The following COL24A1 variants were observed in gnomAD, a reference collection of about 807,000 sequenced individuals.
COL24A1 encodes collagen type XXIV alpha 1 chain.
In COL24A1, 224 loss-of-function variants were observed where a neutral mutation model predicts 253.9. The observed-to-expected ratio is 0.88, with a 90% confidence interval of 0.79 to 0.99. The LOEUF (loss-of-function observed/expected upper bound fraction) is 0.99, where lower values mean the gene tolerates loss of function less well. Among genes scored for constraint, COL24A1 ranks in the 50% least tolerant of loss-of-function variants. The pLI, the probability that COL24A1 is intolerant of heterozygous loss-of-function variation, is 0.00. For missense variants in COL24A1, 2,131 were observed against 2,068.5 expected, an observed-to-expected ratio of 1.03 and a Z score of -0.59; for synonymous variants, 685 against 673.7, an observed-to-expected ratio of 1.02 and a Z score of -0.26.
chr1:85,826,961 T>C (rs984259684), intron 43 of COL24A1, among the ~76,000 whole-genome samples: 1 of 152,058 alleles, frequency 6.6e-6, no homozygotes, highest in African/African-American at 2.4e-5. Flanking sequence ...TCCAACACTA[T>C]GTTGAATAGG....
At chr1:85,848,989 C>T (rs566796572) in intron 38 of COL24A1, among the ~76,000 whole-genome samples, 72 of 152,260 alleles carry the variant, frequency 4.7e-4, no homozygotes, top group African/African-American at 1.7e-3. Flanking sequence ...ATTATAGTTA[C>T]ATTCTCTTCC....
At chr1:85,961,481 C>T (rs1254165504) in intron 23 of COL24A1, among the ~76,000 whole-genome samples, 188 bp from the exon 24 acceptor site, 2 of 151,864 alleles carry the variant, frequency 1.3e-5, no homozygotes, top group African/African-American at 4.8e-5. Context: ...ACCTATATAA[C>T]AAATCTACAC....
At chr1:86,047,851 T>C (rs1039223859) in intron 11 of COL24A1, among the ~76,000 whole-genome samples, 2 of 152,246 alleles carry the variant, frequency 1.3e-5, no homozygotes, top group South Asian at 4.1e-4. Context: ...TACTATCACT[T>C]TGAGATTTGC....
At chr1:85,756,057 C>CAAA (rs200030128) in intron 55 of COL24A1, among the ~76,000 whole-genome samples, 12,077 of 92,128 alleles carry the variant, frequency 0.13, 526 homozygotes, top group East Asian at 0.23. Context: ...TACTAACAAC[C>CAAA]AAAAAAAAAA....
intron 12 of COL24A1, among the ~76,000 whole-genome samples, 164 bp downstream of exon 12, chr1:86,046,661 T>A (rs1407169182): frequency 6.6e-6 from 1 of 152,152 alleles, no homozygotes; most frequent in African/African-American, 2.4e-5. Flanking sequence ...TTCCTTTATA[T>A]CCTCAGGTAT....
intron 19 of COL24A1, among the ~76,000 whole-genome samples, chr1:86,003,375 G>A (rs1173504160): frequency 6.6e-6 from 1 of 152,126 alleles, no homozygotes; most frequent in Non-Finnish European, 1.5e-5. Context: ...AGTGGGACCG[G>A]GGGAACAAGT....
chr1:85,747,694 G>A (rs1665400980), intron 55 of COL24A1, among the ~76,000 whole-genome samples: 1 of 151,990 alleles, frequency 6.6e-6, no homozygotes, highest in Admixed American at 6.5e-5. Flanking sequence ...GAGATATGTA[G>A]TAGGAAAAAA....
intron 20 of COL24A1, among the ~76,000 whole-genome samples, chr1:85,975,280 A>G (rs2100804531): frequency 6.6e-6 from 1 of 152,320 alleles, no homozygotes; most frequent in Admixed American, 6.5e-5. Context: ...CCAAAGAAAG[A>G]AAATCAGTAT....
intron 24 of COL24A1, among the ~76,000 whole-genome samples, chr1:85,934,657 A>T (rs1440013264): frequency 6.6e-6 from 1 of 152,200 alleles, no homozygotes; most frequent in East Asian, 1.9e-4. Context: ...CAGATAAAAC[A>T]GGAATGAGCA....
At chr1:85,996,635 C>CA (rs1479785703) in intron 19 of COL24A1, among the ~76,000 whole-genome samples, 14 of 151,724 alleles carry the variant, frequency 9.2e-5, no homozygotes, top group African/African-American at 3.1e-4. Flanking sequence ...GACTCCATCT[C>CA]AAAAAACAAA....
intron 35 of COL24A1, among the ~76,000 whole-genome samples, chr1:85,872,157 A>G (rs1165272633): frequency 6.6e-6 from 1 of 152,210 alleles, no homozygotes; most frequent in Non-Finnish European, 1.5e-5. Context: ...GGACCTCTTC[A>G]AGGAGAACTA....
At chr1:86,112,498 C>A (rs375294930) in intron 5 of COL24A1, 69 bp downstream of exon 5, 222 of 1,385,384 alleles carry the variant, frequency 1.6e-4, no homozygotes, top group Non-Finnish European at 2.0e-4. Context: ...TGTTAGGGAT[C>A]TTCTTTTTAA....
At chr1:85,939,657 G>A (rs1688552902) in intron 24 of COL24A1, among the ~76,000 whole-genome samples, 1 of 152,086 alleles carries the variant, frequency 6.6e-6, no homozygotes. Flanking sequence ...AAGACACTTT[G>A]ACAGCAAAAG....
At chr1:86,063,649 T>G (rs1701268714) in intron 8 of COL24A1, 66 bp downstream of exon 8, 1 of 1,182,448 alleles carries the variant, frequency 8.5e-7, no homozygotes, top group Non-Finnish European at 1.2e-6. Flanking sequence ...AAATAATCTC[T>G]CAAAGGAGTT....
chr1:86,046,678 A>G (rs1699927093), intron 12 of COL24A1, 147 bp downstream of exon 12: 1 of 829,050 alleles, frequency 1.2e-6, no homozygotes, highest in African/African-American at 1.7e-5. Flanking sequence ...GTATTATTTG[A>G]TACACTATTC....
chr1:85,967,406 A>G (rs936636043), intron 22 of COL24A1, among the ~76,000 whole-genome samples: 7 of 152,224 alleles, frequency 4.6e-5, no homozygotes, highest in Non-Finnish European at 1.0e-4. Flanking sequence ...TTGGGATCAT[A>G]AAGGAGACAA....
At chr1:86,001,709 C>T (rs916693586) in intron 19 of COL24A1, among the ~76,000 whole-genome samples, 7 of 151,960 alleles carry the variant, frequency 4.6e-5, no homozygotes, top group South Asian at 4.2e-4. Flanking sequence ...AAGAGCACAC[C>T]GATTGTTTGA....
intron 5 of COL24A1, among the ~76,000 whole-genome samples, chr1:86,093,384 G>A (rs1703650356): frequency 6.6e-6 from 1 of 152,012 alleles, no homozygotes; most frequent in Non-Finnish European, 1.5e-5. Flanking sequence ...ATTGAATAGG[G>A]AATCCTTTCC....
intron 1 of COL24A1, among the ~76,000 whole-genome samples, chr1:86,149,657 A>G (rs962375383): frequency 1.3e-5 from 2 of 152,244 alleles, no homozygotes; most frequent in African/African-American, 4.8e-5. Context: ...TACAACAGCC[A>G]GCACTACTCA....
Sources: gnomAD v4.1 joint callset for allele counts (sites outside exome capture counted in the v4.1 genomes callset) on GRCh38, gnomAD v4.1.1 for gene constraint, MANE v1.5 for transcripts, NCBI Gene and HGNC (gene_info 2026-07-23, HGNC 2026-07-21) for gene names.